AUTS2: variants seen among roughly 807,000 people sequenced by gnomAD.
AUTS2 encodes the protein autism susceptibility gene 2 protein.
A neutral mutation model predicts 112.4 loss-of-function variants in AUTS2; 17 were observed. The observed-to-expected ratio is 0.15, with a 90% CI of 0.10 to 0.23. The LOEUF is 0.23. Among genes scored for constraint, AUTS2 ranks in the 10% least tolerant of loss-of-function variants. AUTS2 has a pLI of 1.00. For synonymous variants in AUTS2, 751 were observed against 702.7 expected, an observed-to-expected ratio of 1.07 and a Z score of -1.09; for missense variants, 1,510 against 1,701.6, an observed-to-expected ratio of 0.89 and a Z score of 1.98.
In AUTS2 at chr7:70,478,407, C is replaced by CT. The variant is rs1400015100; in HGVS notation, c.690+42627dup. Among the ~76,000 whole-genome samples, 6 of 152,266 alleles carry CT rather than the reference C, an allele frequency of 3.9e-5. No homozygotes were observed. In the East Asian group the frequency reaches 1.2e-3, roughly 29 times the overall value. On this transcript the variant is annotated intron_variant, in intron 5 of 18. Transcript: ENST00000342771. ...CTTGCTTTGACAGATGTGTTTCCTA[C>CT]TGAGGAAAGCATCTTATACTCAGGG...
intron 2 of AUTS2, among the ~76,000 whole-genome samples, chr7:70,079,878 G>C (rs1456037105): frequency 6.6e-6 from 1 of 152,112 alleles, no homozygotes; most frequent in African/African-American, 2.4e-5. Flanking sequence ...CAAGATCAAG[G>C]GGCCATATCT....
chr7:70,765,984 T>G, intron 8 of AUTS2, 130 bp from the exon 9 acceptor site: 1 of 1,448,482 alleles, frequency 6.9e-7, no homozygotes, highest in Non-Finnish European at 9.1e-7. Context: ...CCCCCGTTTA[T>G]CTCAGGGCCC....
At chr7:70,127,257 C>T (rs894243403) in intron 3 of AUTS2, among the ~76,000 whole-genome samples, 6 of 152,016 alleles carry the variant, frequency 3.9e-5, no homozygotes, top group Middle Eastern at 3.2e-3. Flanking sequence ...CCCCGGCCTC[C>T]TGAGTAGCTG....
At chr7:70,362,422 G>A (rs143054203) in intron 4 of AUTS2, among the ~76,000 whole-genome samples, 2 of 152,246 alleles carry the variant, frequency 1.3e-5, no homozygotes, top group African/African-American at 2.4e-5. Context: ...AGATTCTGCA[G>A]CAGAGAAGAC....
rs558027107 is a variant in AUTS2 at position 69,602,897 on chromosome 7, T to C, written c.309+2935T>C. ...ATGGTCAGAACATATGTGTTAGTGATTGTTAAATTAAAACCTCTGGTGGTC... is the reference window on the plus strand; with the variant it reads ...ATGGTCAGAACATATGTGTTAGTGACTGTTAAATTAAAACCTCTGGTGGTC... On this transcript the variant is annotated intron_variant, in intron 1 of 18. Coordinates refer to ENST00000342771, the MANE Select transcript of AUTS2 (RefSeq NM_015570.4). 7.5e-4 allele frequency among the ~76,000 whole-genome samples: 115 copies of C among 152,352 alleles called. 1 individual carries two copies. Among genetic ancestry groups the C allele is most frequent in the African/African-American group, 2.5e-3 (105 of 41,572 alleles).
chr7:70,578,473 A>G (rs1251329742), intron 5 of AUTS2, among the ~76,000 whole-genome samples: 3 of 152,236 alleles, frequency 2.0e-5, no homozygotes, highest in African/African-American at 7.2e-5. Context: ...GGCACTAGAA[A>G]TCACGTCTTT....
At chr7:69,947,034 A>G (rs1255820571) in intron 2 of AUTS2, among the ~76,000 whole-genome samples, 1 of 152,170 alleles carries the variant, frequency 6.6e-6, no homozygotes, top group Non-Finnish European at 1.5e-5. Context: ...TTTTTTCAGC[A>G]GCCAGAAGTG....
At chr7:69,942,682 T>C (rs562622763) in intron 2 of AUTS2, among the ~76,000 whole-genome samples, 2 of 152,290 alleles carry the variant, frequency 1.3e-5, no homozygotes, top group African/African-American at 4.8e-5. Flanking sequence ...GTAAGCTGCA[T>C]TGTGGTAGCA....
intron 5 of AUTS2, among the ~76,000 whole-genome samples, chr7:70,573,091 A>G (rs779420499): frequency 1.3e-5 from 1 of 74,388 alleles, no homozygotes; most frequent in Non-Finnish European, 2.6e-5. Context: ...CTCAAAATTT[A>G]TTATCTGGTT....
chr7:70,117,350 C>T (rs899060429), intron 2 of AUTS2, among the ~76,000 whole-genome samples: 13 of 151,956 alleles, frequency 8.6e-5, no homozygotes, highest in African/African-American at 3.1e-4. Context: ...GATAACATCA[C>T]AGCATCTCAT....
At chr7:70,401,384 C>A (rs1180383483) in intron 4 of AUTS2, among the ~76,000 whole-genome samples, 4 of 152,150 alleles carry the variant, frequency 2.6e-5, no homozygotes, top group Non-Finnish European at 5.9e-5. Flanking sequence ...CTGTTGCAAG[C>A]CACTTGTTAG....
intron 1 of AUTS2, among the ~76,000 whole-genome samples, chr7:69,785,412 T>A (rs1789324292): frequency 6.6e-6 from 1 of 152,274 alleles, no homozygotes; most frequent in African/African-American, 2.4e-5. Flanking sequence ...ATTGAGAGGC[T>A]CCCTCTCACT....
intron 3 of AUTS2, chr7:70,119,356 C>G (rs1473353358): frequency 6.7e-6 from 1 of 148,218 alleles, no homozygotes; most frequent in Non-Finnish European, 1.5e-5. Context: ...TGAAATGGAT[C>G]AAGTAAAGAG....
At chr7:70,559,423 C>T (rs1801388906) in intron 5 of AUTS2, among the ~76,000 whole-genome samples, 1 of 151,748 alleles carries the variant, frequency 6.6e-6, no homozygotes, top group African/African-American at 2.4e-5. Context: ...CAACTTCTGC[C>T]TCCCGGGTTC....
intron 4 of AUTS2, among the ~76,000 whole-genome samples, chr7:70,409,034 G>A (rs921989864): frequency 4.6e-5 from 7 of 152,178 alleles, no homozygotes; most frequent in Non-Finnish European, 8.8e-5. Flanking sequence ...CAACTGGCAC[G>A]TCACATGAAG....
At chr7:69,883,805 C>T (rs939410296) in intron 1 of AUTS2, among the ~76,000 whole-genome samples, 1 of 152,224 alleles carries the variant, frequency 6.6e-6, no homozygotes, top group Non-Finnish European at 1.5e-5. Context: ...GCTGTTCTCT[C>T]TCACTGTGGT....
intron 1 of AUTS2, among the ~76,000 whole-genome samples, chr7:69,605,337 G>A (rs1328832009): frequency 1.3e-5 from 2 of 152,102 alleles, no homozygotes; most frequent in Non-Finnish European, 2.9e-5. Context: ...AAACAGTGAG[G>A]GAGACTAGTC....
In AUTS2 at chr7:70,073,208, G is replaced by A. The variant is rs569728118; in HGVS notation, c.523-44924G>A. 6.6e-5 allele frequency among the ~76,000 whole-genome samples: 10 copies of A among 151,626 alleles called. No homozygotes were observed. The East Asian group carries it at 1.8e-3, about 27-fold the overall frequency. ...AGATGAACAGAAACAGAGGAGAGGAGAGCTTCTTAAGAGGCTGGTAGGCCA... is the reference window on the plus strand; with the variant it reads ...AGATGAACAGAAACAGAGGAGAGGAAAGCTTCTTAAGAGGCTGGTAGGCCA... On this transcript the variant is annotated intron_variant, in intron 2 of 18. Coordinates refer to ENST00000342771, the MANE Select transcript of AUTS2 (RefSeq NM_015570.4).
chr7:70,252,523 G>T (rs1373813863), intron 4 of AUTS2, among the ~76,000 whole-genome samples: 1 of 151,990 alleles, frequency 6.6e-6, no homozygotes, highest in Non-Finnish European at 1.5e-5. Context: ...TATATGGTTT[G>T]CAAATATTTT....
Sources: gnomAD v4.1 joint callset for allele counts (sites outside exome capture counted in the v4.1 genomes callset) on GRCh38, gnomAD v4.1.1 for gene constraint, MANE v1.5 for transcripts, NCBI Gene and HGNC (gene_info 2026-07-23, HGNC 2026-07-21) for gene names.